The following MAST2 variants were observed in gnomAD, a reference collection of about 807,000 sequenced individuals.
MAST2 encodes microtubule-associated serine/threonine-protein kinase 2.
A neutral mutation model predicts 147.4 loss-of-function variants in MAST2; 70 were observed. The ratio of observed to expected loss-of-function variants is 0.47; its 90% CI spans 0.39 to 0.58. MAST2 has a LOEUF of 0.58. MAST2 is among the 20% of genes least tolerant of loss of function. MAST2 has a pLI of 0.00. For synonymous variants in MAST2, 869 were observed against 896.8 expected (o/e 0.97, Z 0.55); for missense variants, 2,080 against 2,302.3 (o/e 0.90, Z 1.98).
At chr1:45,872,043 T>C (rs1454844307) in intron 3 of MAST2, among the ~76,000 whole-genome samples, 3 of 152,214 alleles carry the variant, frequency 2.0e-5, no homozygotes, top group Non-Finnish European at 4.4e-5. Context: ...TGATTTTAAA[T>C]GTTAGTTGAA....
intron 1 of MAST2, among the ~76,000 whole-genome samples, chr1:45,811,236 G>A (rs1290158112): frequency 6.8e-6 from 1 of 147,976 alleles, no homozygotes; most frequent in Admixed American, 6.7e-5. Flanking sequence ...GCACGATCTC[G>A]GCTCACTGCA....
At chr1:45,848,622 A>G (rs1645520202) in intron 3 of MAST2, among the ~76,000 whole-genome samples, 1 of 152,212 alleles carries the variant, frequency 6.6e-6, no homozygotes, top group Non-Finnish European at 1.5e-5. Context: ...GATTATATGC[A>G]GGGTCCTGTG....
intron 4 of MAST2, among the ~76,000 whole-genome samples, chr1:45,947,374 A>G (rs1056703773): frequency 1.3e-5 from 2 of 151,192 alleles, no homozygotes; most frequent in South Asian, 2.1e-4. Context: ...CCAAATTTGT[A>G]TTGAGCCACA....
chr1:45,977,003 G>A (rs1214022688), intron 5 of MAST2, among the ~76,000 whole-genome samples: 2 of 152,180 alleles, frequency 1.3e-5, no homozygotes, highest in Non-Finnish European at 2.9e-5. Flanking sequence ...TTGGATGTTT[G>A]TATAGAGAAA....
intron 4 of MAST2, among the ~76,000 whole-genome samples, chr1:45,915,429 G>T (rs930327451): frequency 6.6e-6 from 1 of 152,142 alleles, no homozygotes; most frequent in African/African-American, 2.4e-5. Flanking sequence ...GAAATTTGCC[G>T]GCCAGGCGCG....
intron 3 of MAST2, among the ~76,000 whole-genome samples, chr1:45,865,828 T>G (rs1646130042): frequency 6.6e-6 from 1 of 152,196 alleles, no homozygotes; most frequent in African/African-American, 2.4e-5. Context: ...GCTTTGTAGA[T>G]TATCTCATCT....
chr1:45,919,793 T>C (rs1436427201), intron 4 of MAST2, among the ~76,000 whole-genome samples: 1 of 149,856 alleles, frequency 6.7e-6, no homozygotes, highest in Non-Finnish European at 1.5e-5. Context: ...AATTTCATGT[T>C]TTTTTTTTTT....
chr1:45,847,737 T>C (rs1269664678), intron 3 of MAST2: 2 of 244,038 alleles, frequency 8.2e-6, no homozygotes, highest in African/African-American at 2.3e-5. Flanking sequence ...TCTTTTTTTT[T>C]AAGATGAGAT....
intron 5 of MAST2, among the ~76,000 whole-genome samples, chr1:45,989,425 T>A (rs1571094434): frequency 6.6e-6 from 1 of 152,258 alleles, no homozygotes; most frequent in Admixed American, 6.5e-5. Flanking sequence ...TTCATTCATT[T>A]CCAAAGTTTC....
chr1:46,001,911 C>A (rs1234501527), intron 6 of MAST2, among the ~76,000 whole-genome samples: 2 of 152,156 alleles, frequency 1.3e-5, no homozygotes, highest in Non-Finnish European at 2.9e-5. Context: ...TGCTGATAGT[C>A]TCAGGTTCTG....
chr1:45,911,811 TTAA>T (rs1219576817), intron 4 of MAST2, among the ~76,000 whole-genome samples: 1 of 149,318 alleles, frequency 6.7e-6, no homozygotes, highest in African/African-American at 2.4e-5. Context: ...AGTTAAGCAC[TTAA>T]TAAATGTTGG....
chr1:46,030,784 G>C, intron 22 of MAST2, 23 bp downstream of exon 22: 1 of 1,551,900 alleles, frequency 6.4e-7, no homozygotes, highest in South Asian at 1.2e-5. Flanking sequence ...AGTTCACCCA[G>C]GGTGGGCGAC....
At position 46,006,366 on chromosome 1, in the gene MAST2, A is replaced by C. The variant is rs1645485528; in HGVS notation, c.873A>C (p.Pro291=). ...SVPDEEGRQS[P]AMRPRSRSLS... ...CAGATGAGGAAGGACGGCAGTCCCC[A>C]GCCATGCGGCCTCGCTCCCGGAGCC... Residue 291 remains proline, a synonymous_variant, in exon 8 of 29, where the codon CCA becomes CCC. Coordinates refer to ENST00000361297, the MANE Select transcript of MAST2 (RefSeq NM_015112.3). 6.2e-7 allele frequency: 1 copy of C among 1,613,418 alleles called. No homozygotes were observed.
chr1:46,034,176 A>T lies in MAST2; in HGVS notation c.3778A>T (p.Ser1260Cys). 3 of 1,614,024 alleles carry T rather than the reference A, an allele frequency of 1.9e-6. No homozygotes were observed. The highest frequency in any genetic ancestry group is 2.5e-6 in the Non-Finnish European group (3 of 1,179,992). The part of the protein sequence containing the change: ...SLNRSLSSGE[S>C]GPGSPTHSHS... ...TAACCGCTCCTTGTCATCAGGGGAG[A>T]GTGGGCCAGGCTCTCCCACACACAG... Residue 1260 changes from serine (S) to cysteine (C), a missense_variant, in exon 28 of 29, where the codon AGT (serine) becomes TGT (cysteine). Physicochemically the swap from Ser to Cys is moderately radical, Grantham distance 112. Transcript: ENST00000361297.
chr1:45,847,715 G>T (rs1364350311), intron 3 of MAST2: 1 of 257,006 alleles, frequency 3.9e-6, no homozygotes, highest in Non-Finnish European at 7.8e-6. Context: ...ATCCCCCTGG[G>T]GCCTCCCTTT....
intron 6 of MAST2, chr1:46,000,882 C>G (rs951557934): frequency 4.4e-5 from 49 of 1,114,930 alleles, no homozygotes; most frequent in Admixed American, 6.9e-5. Flanking sequence ...CCAAGCTAGA[C>G]CAAATACCAA....
chr1:45,945,037 C>T (rs1028590867), intron 4 of MAST2, among the ~76,000 whole-genome samples: 16 of 152,190 alleles, frequency 1.1e-4, no homozygotes, highest in African/African-American at 3.9e-4. Context: ...TGCCACAAGC[C>T]TTTGTAATGC....
chr1:45,874,840 G>A (rs1186705310), intron 3 of MAST2, among the ~76,000 whole-genome samples: 1 of 152,194 alleles, frequency 6.6e-6, no homozygotes. Flanking sequence ...GGAATATTTG[G>A]ATAATATATG....
intron 3 of MAST2, among the ~76,000 whole-genome samples, chr1:45,857,513 GTTCTGTACTT>G (rs1645827923): frequency 6.6e-6 from 1 of 152,152 alleles, no homozygotes; most frequent in Admixed American, 6.5e-5. Flanking sequence ...AAGTTTCCAG[GTTCTGTACTT>G]TGTGCTGGAT....
Sources: gnomAD v4.1 joint callset for allele counts (sites outside exome capture counted in the v4.1 genomes callset) on GRCh38, gnomAD v4.1.1 for gene constraint, MANE v1.5 for transcripts, NCBI Gene and HGNC (gene_info 2026-07-23, HGNC 2026-07-21) for gene names.